Variants in LTBP2 observed in about 807,000 individuals in gnomAD.
LTBP2 encodes latent transforming growth factor beta binding protein 2, also known as latent-transforming growth factor beta-binding protein 2.
LTBP2 carries 103 observed loss-of-function variants against 210.6 expected under a neutral mutation model. The observed-to-expected ratio is 0.49, with a 90% CI of 0.42 to 0.58. The LOEUF (loss-of-function observed/expected upper bound fraction) is 0.58, where lower values mean the gene tolerates loss of function less well. LTBP2 is among the 20% of genes least tolerant of loss of function. The pLI is 0.00. For missense variants in LTBP2, 2,313 were observed against 2,494.5 expected (o/e 0.93, Z 1.55); for synonymous variants, 1,007 against 1,015.0 (o/e 0.99, Z 0.15).
chr14:74,592,040 A>T (rs2088290201), intron 2 of LTBP2, among the ~76,000 whole-genome samples: 5 of 152,232 alleles, frequency 3.3e-5, no homozygotes, highest in Non-Finnish European at 7.3e-5. Context: ...ATATTTTTGG[A>T]AACATTACTG....
At chr14:74,555,374 G>C in intron 4 of LTBP2, 129 bp downstream of exon 4, 1 of 1,007,252 alleles carries the variant, frequency 9.9e-7, no homozygotes, top group Non-Finnish European at 1.5e-6. Context: ...AGCGTTTGTT[G>C]ATTGGCTGAA....
chr14:74,508,964 C>G lies in LTBP2; in HGVS notation c.3404-12G>C, dbSNP rs1203926868. Reference sequence around the variant, plus strand: ...ACATTCATCCACATCTGCAGGGCCACACAGGGGAGGAAGACAGCCGATGGC... The same window carrying G: ...ACATTCATCCACATCTGCAGGGCCAGACAGGGGAGGAAGACAGCCGATGGC... On this transcript the variant is annotated splice_polypyrimidine_tract_variant and intron_variant, in intron 22 of 35. Transcript: ENST00000261978. The G allele has an allele frequency of 5.0e-6, 8 of 1,613,102 alleles. No individual in the cohort carries two copies. The highest frequency in any genetic ancestry group is 6.8e-6 in the Non-Finnish European group (8 of 1,179,816).
chr14:74,601,002 G>A (rs961784771), intron 2 of LTBP2, among the ~76,000 whole-genome samples: 6 of 152,178 alleles, frequency 3.9e-5, no homozygotes, highest in Non-Finnish European at 8.8e-5. Context: ...ATCTTCCTAT[G>A]ACTGACCCCC....
intron 2 of LTBP2, among the ~76,000 whole-genome samples, chr14:74,588,484 G>A (rs752261678): frequency 1.3e-5 from 2 of 152,160 alleles, no homozygotes; most frequent in Non-Finnish European, 2.9e-5. Context: ...GCCTCCCAAA[G>A]TGCTGGGATT....
chr14:74,606,334 G>A (rs1157722326), intron 1 of LTBP2, among the ~76,000 whole-genome samples: 1 of 152,176 alleles, frequency 6.6e-6, no homozygotes, highest in African/African-American at 2.4e-5. Flanking sequence ...CAGTCTAATT[G>A]TCCCCATCAC....
intron 1 of LTBP2, among the ~76,000 whole-genome samples, chr14:74,605,831 G>A (rs2088518138): frequency 6.6e-6 from 1 of 152,160 alleles, no homozygotes; most frequent in African/African-American, 2.4e-5. Context: ...AGGGATGTAA[G>A]GCCACGTGAG....
Position 74,509,277 on chromosome 14 carries a change from C to T in LTBP2, c.3364G>A (p.Gly1122Arg), listed in dbSNP as rs1056145057. ...CCCAGGGGGCTGGGCCGGTAGCCCC[C>T]ATCGCAGTCCTTGCAGGAGAAGGAG... is the stretch of plus-strand genomic sequence containing the variant. ...AGSFSCKDCD[G>R]GYRPSPLGDS... is the part of the protein sequence containing the mutation. The change falls in exon 22 of 36, where the codon GGG (glycine) becomes AGG (arginine). Residue 1122 changes from glycine (G) to arginine (R), a missense_variant. Gly to Arg is a moderately radical substitution (Grantham distance 125, BLOSUM62 -2). This residue lies in a region of LTBP2 where 1,867 missense variants were observed against 1,976.9 expected (regional missense o/e 0.94). Coordinates refer to ENST00000261978, the MANE Select transcript of LTBP2 (RefSeq NM_000428.3). 8 of 1,613,540 alleles carry T rather than the reference C, an allele frequency of 5.0e-6. No individual in the cohort carries two copies. Among genetic ancestry groups the T allele is most frequent in the Non-Finnish European group, 6.8e-6 (8 of 1,180,012 alleles).
chr14:74,520,672 G>T (rs2087190535), intron 17 of LTBP2, among the ~76,000 whole-genome samples: 1 of 152,158 alleles, frequency 6.6e-6, no homozygotes, highest in African/African-American at 2.4e-5. Flanking sequence ...GTGGTGGCAG[G>T]CGCCTGTAGT....
chr14:74,550,020 G>T, intron 7 of LTBP2, 55 bp from the exon 8 acceptor site: 1 of 1,143,030 alleles, frequency 8.7e-7, no homozygotes, highest in Non-Finnish European at 1.3e-6. Flanking sequence ...CCCAGGCTGT[G>T]CACAGAGATG....
intron 33 of LTBP2, 106 bp downstream of exon 33, chr14:74,503,113 C>T: frequency 6.5e-7 from 1 of 1,538,948 alleles, no homozygotes; most frequent in Non-Finnish European, 8.9e-7. Context: ...GAAGACAGGG[C>T]CTTTGCTCTG....
At position 74,501,522 on chromosome 14, in the gene LTBP2, G is replaced by A. The variant is rs749061798; in HGVS notation, c.5239C>T (p.Arg1747Cys). Residue 1747 changes from arginine (R) to cysteine (C), a missense_variant, in exon 35 of 36, where the codon CGC becomes TGC. Transcript: ENST00000261978. ...CGILNGCENG[R>C]CVRVREGYTC... ...TAGCCCTCCCGCACGCGCACACAGCGGCCATTCTCACAGCCGTTCAGGATG... is the reference window on the plus strand; with the variant it reads ...TAGCCCTCCCGCACGCGCACACAGCAGCCATTCTCACAGCCGTTCAGGATG... 9 of 1,614,046 alleles carry A rather than the reference G, an allele frequency of 5.6e-6. No individual in the cohort carries two copies. The highest frequency in any genetic ancestry group is 1.1e-5 in the South Asian group (1 of 91,084).
chr14:74,576,130 C>T (rs1171965867), intron 3 of LTBP2, among the ~76,000 whole-genome samples: 1 of 152,206 alleles, frequency 6.6e-6, no homozygotes, highest in Non-Finnish European at 1.5e-5. Flanking sequence ...ACTCCCAGGG[C>T]CAAGGGGCAC....
rs1375937160 is a variant in LTBP2 at position 74,500,911 on chromosome 14, C to G, written c.5439G>C (p.Gly1813=). ...ACTCCTTGGCAGTGCAGTGGGGGGG[C>G]CCTGCCTCAGCCACATATCCCGGGG... ...HCSPGYVAEA[G]PPHCTAKE The change falls in exon 36 of 36, where the codon GGG becomes GGC. Residue 1813 remains glycine, a synonymous_variant. Transcript: ENST00000261978. 3 of 1,614,144 alleles carry G rather than the reference C, an allele frequency of 1.9e-6. No individual in the cohort carries two copies. Among genetic ancestry groups the G allele is most frequent in the Non-Finnish European group, 2.5e-6 (3 of 1,180,028 alleles).
chr14:74,533,415 TG>T (rs1410677708), intron 9 of LTBP2, among the ~76,000 whole-genome samples: 1 of 151,810 alleles, frequency 6.6e-6, no homozygotes, highest in Non-Finnish European at 1.5e-5. Context: ...GGTTGGAAGG[TG>T]GAGAAGGGGC....
At chr14:74,506,585 C>A (rs2086988104) in intron 27 of LTBP2, 113 bp downstream of exon 27, 1 of 1,524,568 alleles carries the variant, frequency 6.6e-7, no homozygotes, top group Non-Finnish European at 9.0e-7. Context: ...GCCTCCCTTG[C>A]CCATGCTCTG....
At chr14:74,576,972 A>G (rs2088066525) in intron 3 of LTBP2, among the ~76,000 whole-genome samples, 1 of 152,104 alleles carries the variant, frequency 6.6e-6, no homozygotes, top group African/African-American at 2.4e-5. Flanking sequence ...TAACCCTCTC[A>G]TTTTACAGAA....
chr14:74,567,651 C>T (rs987813987), intron 3 of LTBP2, among the ~76,000 whole-genome samples: 3 of 152,260 alleles, frequency 2.0e-5, no homozygotes, highest in South Asian at 2.1e-4. Flanking sequence ...GGTTGCAGCT[C>T]GGCGGGGGAC....
intron 8 of LTBP2, among the ~76,000 whole-genome samples, chr14:74,545,027 C>A (rs1251941279): frequency 6.6e-6 from 1 of 152,166 alleles, no homozygotes; most frequent in Non-Finnish European, 1.5e-5. Context: ...TCTATCTAAC[C>A]CAAATCTTCT....
chr14:74,520,996 G>C (rs1323543300), intron 17 of LTBP2, among the ~76,000 whole-genome samples: 2 of 152,268 alleles, frequency 1.3e-5, no homozygotes, highest in Admixed American at 1.3e-4. Flanking sequence ...CAACGCATGA[G>C]AGCATAATGA....
Sources: gnomAD v4.1 joint callset for allele counts (sites outside exome capture counted in the v4.1 genomes callset) on GRCh38, gnomAD v4.1.1 for gene constraint, gnomAD v4.1.1 regional missense constraint, MANE v1.5 for transcripts, NCBI Gene and HGNC (gene_info 2026-07-23, HGNC 2026-07-21) for gene names.